Variants in LRRC7 observed in about 807,000 individuals in gnomAD.
The protein encoded by LRRC7 is leucine-rich repeat-containing protein 7.
LRRC7 carries 23 observed loss-of-function variants against 175.7 expected under a neutral mutation model. The ratio of observed to expected loss-of-function variants is 0.13; its 90% confidence interval spans 0.09 to 0.19. LRRC7 has a LOEUF of 0.19. LRRC7 is among the 10% of genes least tolerant of loss of function. The probability of loss-of-function intolerance (pLI) is 1.00; values close to 1 mark genes in which losing one functional copy is unlikely to be tolerated. For missense variants in LRRC7, 1,354 were observed against 1,904.7 expected, an observed-to-expected ratio of 0.71 and a Z score of 5.38; for synonymous variants, 685 against 680.9, an observed-to-expected ratio of 1.01 and a Z score of -0.09.
chr1:69,825,919 T>G, intron 5 of LRRC7, 93 bp downstream of exon 5: 3 of 707,654 alleles, frequency 4.2e-6, no homozygotes, highest in Non-Finnish European at 6.6e-6. Context: ...AATTTAAATT[T>G]AAATGTAGCA....
In LRRC7 at chr1:70,039,271, C is replaced by T. The variant is rs566887698; in HGVS notation, c.3447C>T (p.Gly1149=). Residue 1149 remains glycine, a synonymous_variant, in exon 21 of 27, where the codon GGC becomes GGT. Coordinates refer to ENST00000651989, the MANE Select transcript of LRRC7 (RefSeq NM_001370785.2). ...AQFASQGARA[G]FLRRADSLVS... ...TCGCAAGCCAAGGGGCCAGGGCGGGCTTCCTGAGAAGGGCCGACTCCCTGG... is the reference window on the plus strand; with the variant it reads ...TCGCAAGCCAAGGGGCCAGGGCGGGTTTCCTGAGAAGGGCCGACTCCCTGG... The T allele has an allele frequency of 9.3e-6, 15 of 1,613,966 alleles. No homozygotes were observed. Among genetic ancestry groups the T allele is most frequent in the Non-Finnish European group, 1.3e-5 (15 of 1,180,008 alleles).
At chr1:69,650,509 C>T (rs969386208) in intron 1 of LRRC7, among the ~76,000 whole-genome samples, 3 of 118,140 alleles carry the variant, frequency 2.5e-5, no homozygotes, top group African/African-American at 3.6e-5. Flanking sequence ...CACTGCACTC[C>T]AGCCTGGGCG....
At chr1:69,903,154 C>T (rs1179244997) in intron 7 of LRRC7, among the ~76,000 whole-genome samples, 1 of 152,158 alleles carries the variant, frequency 6.6e-6, no homozygotes, top group East Asian at 1.9e-4. Context: ...GAAATTTGTT[C>T]TTAAGTTGCC....
intron 1 of LRRC7, among the ~76,000 whole-genome samples, chr1:69,623,287 T>C (rs1375703908): frequency 6.6e-6 from 1 of 152,162 alleles, no homozygotes; most frequent in African/African-American, 2.4e-5. Context: ...GAGTTTTAAA[T>C]GGTACTTTAA....
intron 8 of LRRC7, among the ~76,000 whole-genome samples, chr1:69,979,970 A>G (rs1457403332): frequency 6.6e-6 from 1 of 152,100 alleles, no homozygotes; most frequent in Non-Finnish European, 1.5e-5. Flanking sequence ...GTAAGAAGCT[A>G]CTATGTGCCC....
chr1:69,618,852 C>T (rs1284500740), intron 1 of LRRC7, among the ~76,000 whole-genome samples: 1 of 152,162 alleles, frequency 6.6e-6, no homozygotes, highest in Non-Finnish European at 1.5e-5. Context: ...TTTGAAAAGG[C>T]AGAATAAGGC....
chr1:69,903,765 A>T (rs1277483222), intron 7 of LRRC7, among the ~76,000 whole-genome samples: 1 of 152,198 alleles, frequency 6.6e-6, no homozygotes, highest in East Asian at 1.9e-4. Flanking sequence ...AGCCAGACTA[A>T]TAAAGAAGAA....
At chr1:69,601,165 T>C (rs1420951263) in intron 1 of LRRC7, among the ~76,000 whole-genome samples, 1 of 152,170 alleles carries the variant, frequency 6.6e-6, no homozygotes, top group East Asian at 1.9e-4. Context: ...ATCAGGACAC[T>C]AGGTGTACTA....
At chr1:69,781,860 AGAAG>A (rs145369413) in intron 3 of LRRC7, among the ~76,000 whole-genome samples, 40 of 109,402 alleles carry the variant, frequency 3.7e-4, no homozygotes, top group Non-Finnish European at 6.1e-4. Context: ...AGAAAGAAAG[AGAAG>A]GAAGGAAGGA....
At chr1:70,004,815 C>T (rs1570982054) in intron 11 of LRRC7, among the ~76,000 whole-genome samples, 1 of 151,910 alleles carries the variant, frequency 6.6e-6, no homozygotes, top group South Asian at 2.1e-4. Flanking sequence ...GTCTCTCTCT[C>T]CTATATTCCT....
chr1:69,706,157 C>T (rs1664014104), intron 2 of LRRC7, among the ~76,000 whole-genome samples: 2 of 152,100 alleles, frequency 1.3e-5, no homozygotes. Context: ...AAAGCATCTA[C>T]ACAACCTTAG....
chr1:70,119,401 AT>A (rs1666071339), intron 26 of LRRC7, among the ~76,000 whole-genome samples: 1 of 151,880 alleles, frequency 6.6e-6, no homozygotes, highest in Non-Finnish European at 1.5e-5. Context: ...TGCATGACTT[AT>A]TTCCCCTTCT....
At chr1:69,584,735 T>C (rs1646338865) in intron 1 of LRRC7, among the ~76,000 whole-genome samples, 1 of 152,120 alleles carries the variant, frequency 6.6e-6, no homozygotes, top group Admixed American at 6.6e-5. Flanking sequence ...AGACAAAAAT[T>C]AATATGTTTT....
At chr1:69,754,903 T>A (rs1283468417) in intron 2 of LRRC7, among the ~76,000 whole-genome samples, 1 of 151,908 alleles carries the variant, frequency 6.6e-6, no homozygotes, top group Non-Finnish European at 1.5e-5. Flanking sequence ...AAGTGAGAGT[T>A]GGGAAAGCTG....
intron 7 of LRRC7, among the ~76,000 whole-genome samples, chr1:69,851,281 C>T (rs1052692574): frequency 2.0e-5 from 3 of 152,128 alleles, no homozygotes; most frequent in African/African-American, 7.2e-5. Context: ...AAAGAGACAA[C>T]AAGCACAATT....
rs3831948 is a variant in LRRC7 at position 70,119,047 on chromosome 1, C to CT, written c.4621-2723dup. 8.9e-3 allele frequency among the ~76,000 whole-genome samples: 1,304 copies of CT among 147,074 alleles called. 8 individuals carry two copies. Among genetic ancestry groups the CT allele is most frequent in the Admixed American group, 0.014 (205 of 14,690 alleles). ...AAAGTCGCATGTTTTGGATTTGGTG[C>CT]TTTTTTTTTTGTTTCTTAGAAAAAT... On this transcript the variant is annotated intron_variant, in intron 26 of 26. Coordinates refer to ENST00000651989, the MANE Select transcript of LRRC7 (RefSeq NM_001370785.2).
chr1:69,619,795 C>G (rs950117252), intron 1 of LRRC7, among the ~76,000 whole-genome samples: 2 of 152,098 alleles, frequency 1.3e-5, no homozygotes, highest in Non-Finnish European at 2.9e-5. Context: ...GAGATTGATA[C>G]TGTATAATGA....
chr1:70,091,137 C>A (rs1185008082), intron 25 of LRRC7, among the ~76,000 whole-genome samples: 10 of 152,054 alleles, frequency 6.6e-5, no homozygotes, highest in Non-Finnish European at 1.3e-4. Context: ...TAGGGGAATG[C>A]CAGTTGGAAA....
chr1:69,872,415 T>C (rs1685644358), intron 7 of LRRC7, among the ~76,000 whole-genome samples: 1 of 152,030 alleles, frequency 6.6e-6, no homozygotes, highest in Admixed American at 6.6e-5. Context: ...TTTGTTACTC[T>C]ACAGTATATC....
Sources: allele counts gnomAD v4.1 joint callset (sites outside exome capture counted in the v4.1 genomes callset), GRCh38; gene constraint gnomAD v4.1.1; transcripts MANE v1.5; gene names NCBI Gene and HGNC (gene_info 2026-07-23, HGNC 2026-07-21).